The following PPFIBP2 variants were observed in gnomAD, a reference collection of about 807,000 sequenced individuals.
PPFIBP2 encodes the protein PPFIB scaffold protein 2.
Under a neutral mutation model 118.3 loss-of-function variants are expected in PPFIBP2, and 118 were observed. The observed-to-expected ratio is 1.00, with a 90% confidence interval of 0.86 to 1.16. PPFIBP2 has a LOEUF of 1.16. Among genes scored for constraint, PPFIBP2 ranks in the 50% most tolerant of loss-of-function variants. The probability of loss-of-function intolerance (pLI) is 0.00; values close to 1 mark genes in which losing one functional copy is unlikely to be tolerated. For missense variants in PPFIBP2, 1,195 were observed against 1,073.1 expected (o/e 1.11, Z -1.59); for synonymous variants, 414 against 397.4 (o/e 1.04, Z -0.50).
At chr11:7,625,739 C>G (rs1207890381) in intron 7 of PPFIBP2, 38 bp from the exon 8 acceptor site, 5 of 1,560,498 alleles carry the variant, frequency 3.2e-6, no homozygotes, top group African/African-American at 1.4e-5. Context: ...ATTTGGCAGT[C>G]CTTCTGACCT....
intron 2 of PPFIBP2, among the ~76,000 whole-genome samples, chr11:7,564,451 A>C (rs1477121768): frequency 6.6e-6 from 1 of 152,226 alleles, no homozygotes; most frequent in Non-Finnish European, 1.5e-5. Context: ...ATTTAAGAGC[A>C]TATAGAGATA....
chr11:7,525,802 G>A (rs952985093), intron 1 of PPFIBP2, among the ~76,000 whole-genome samples: 2 of 152,220 alleles, frequency 1.3e-5, no homozygotes, highest in African/African-American at 4.8e-5. Flanking sequence ...CCTTGGTAGA[G>A]GATCTTTTCC....
Position 7,597,602 on chromosome 11 carries a change from A to G in PPFIBP2, c.415A>G (p.Ile139Val), listed in dbSNP as rs766857294. Residue 139 changes from isoleucine to valine, a missense_variant, in exon 5 of 24, where the codon ATT (isoleucine) becomes GTT (valine). Coordinates refer to ENST00000299492, the MANE Select transcript of PPFIBP2 (RefSeq NM_003621.5). Reference sequence around the variant, plus strand: ...CCAAGTAGAAGCCCAGGGAGAAAAGATTCGAGACCTGGAAGTGTGTCTGGA... The same window carrying G: ...CCAAGTAGAAGCCCAGGGAGAAAAGGTTCGAGACCTGGAAGTGTGTCTGGA... ...TDQVEAQGEK[I>V]RDLEVCLEGH... 24 of 1,613,982 alleles carry G rather than the reference A, an allele frequency of 1.5e-5. No homozygotes were observed. The highest frequency in any genetic ancestry group is 1.6e-4 in the Middle Eastern group (1 of 6,082).
intron 4 of PPFIBP2, among the ~76,000 whole-genome samples, chr11:7,596,183 C>G (rs549738318): frequency 6.6e-6 from 1 of 152,060 alleles, no homozygotes; most frequent in Admixed American, 6.5e-5. Flanking sequence ...AATGTTTAAC[C>G]CTCATAATAA....
chr11:7,536,248 T>C lies in PPFIBP2; in HGVS notation c.-36-13192T>C, dbSNP rs114287963. On this transcript the variant is annotated intron_variant, in intron 1 of 23. Transcript: ENST00000299492. Reference sequence around the variant, plus strand: ...CACCCTAGACCGCCTCTTAAGGAAATGGGAACACAAGCGGCTGGCTGGATG... The same window carrying C: ...CACCCTAGACCGCCTCTTAAGGAAACGGGAACACAAGCGGCTGGCTGGATG... 4.9e-3 allele frequency among the ~76,000 whole-genome samples: 743 copies of C among 151,832 alleles called. 4 individuals carry two copies. Among genetic ancestry groups the C allele is most frequent in the African/African-American group, 0.017 (702 of 41,388 alleles).
downstream of PPFIBP2, chr11:7,655,567 G>GGT: frequency 8.4e-7 from 1 of 1,193,976 alleles, no homozygotes. Flanking sequence ...GGTGTGGTGT[G>GGT]GTGTGGTATG....
At chr11:7,633,281 CT>C (rs1851021162) in intron 12 of PPFIBP2, among the ~76,000 whole-genome samples, 1 of 152,184 alleles carries the variant, frequency 6.6e-6, no homozygotes, top group Non-Finnish European at 1.5e-5. Context: ...CTGCCTCCTG[CT>C]CTTAGAGTGA....
chr11:7,591,106 A>C (rs1182094912), intron 3 of PPFIBP2, among the ~76,000 whole-genome samples: 1 of 131,726 alleles, frequency 7.6e-6, no homozygotes, highest in Non-Finnish European at 1.7e-5. Flanking sequence ...CAACTTTCTT[A>C]CTCTTTTTTT....
intron 17 of PPFIBP2, chr11:7,648,091 G>A (rs142593100): frequency 1.0e-5 from 3 of 288,380 alleles, no homozygotes; most frequent in South Asian, 1.4e-4. Flanking sequence ...GTGTGTATGC[G>A]GACCTAGGAC....
downstream of PPFIBP2, among the ~76,000 whole-genome samples, chr11:7,661,772 G>A (rs1184429213): frequency 2.3e-5 from 2 of 88,772 alleles, no homozygotes; most frequent in Admixed American, 1.1e-4. Flanking sequence ...TTATTAATGC[G>A]TGGGAGTCTA....
At chr11:7,518,537 G>A (rs1430335604) in intron 1 of PPFIBP2, among the ~76,000 whole-genome samples, 4 of 152,096 alleles carry the variant, frequency 2.6e-5, no homozygotes, top group Non-Finnish European at 5.9e-5. Context: ...CAGTAGGCTT[G>A]GCAGGAGCTT....
At chr11:7,597,978 A>T (rs1196040160) in intron 5 of PPFIBP2, 1 of 274,530 alleles carries the variant, frequency 3.6e-6, no homozygotes, top group Non-Finnish European at 6.9e-6. Context: ...TGGGGGCCTC[A>T]CCCTCATCCT....
chr11:7,557,824 A>C (rs1254004937), intron 2 of PPFIBP2, among the ~76,000 whole-genome samples: 1 of 151,724 alleles, frequency 6.6e-6, no homozygotes, highest in Non-Finnish European at 1.5e-5. Flanking sequence ...TTTCTAATGA[A>C]CTCTCAGGTT....
chr11:7,562,870 A>C (rs182434292), intron 2 of PPFIBP2, among the ~76,000 whole-genome samples: 1 of 147,822 alleles, frequency 6.8e-6, no homozygotes, highest in Non-Finnish European at 1.5e-5. Context: ...TTTATTGACT[A>C]TTGGTTTTGT....
intron 1 of PPFIBP2, among the ~76,000 whole-genome samples, chr11:7,529,437 G>C (rs137898205): frequency 2.0e-3 from 308 of 152,188 alleles, no homozygotes; most frequent in African/African-American, 6.9e-3. Context: ...TCTGGCTATC[G>C]GTGTCCCCAA....
intron 15 of PPFIBP2, chr11:7,640,965 T>C (rs1852097742): frequency 8.6e-7 from 1 of 1,166,462 alleles, no homozygotes; most frequent in African/African-American, 1.6e-5. Context: ...TCCCCGTAAC[T>C]CTGTTGGGCT....
rs764589181 is a variant in PPFIBP2, at chr11:7,648,339, C to T, written c.1647-48C>T. ...TTGTGAGACATGATTAGATTCAGAA[C>T]CTCAGGCTCTCCCACTAACAGGAAT... On this transcript the variant is annotated intron_variant, in intron 17 of 23. Transcript: ENST00000299492. 27 of 1,565,544 alleles carry T rather than the reference C, an allele frequency of 1.7e-5. No individual in the cohort carries two copies. In the South Asian group the frequency reaches 2.9e-4, roughly 17 times the overall value.
rs1383088345 is a variant in PPFIBP2 at position 7,634,531 on chromosome 11, G to C, written c.1173G>C (p.Leu391Phe). The change falls in exon 13 of 24, where the codon TTG (leucine) becomes TTC (phenylalanine). Residue 391 changes from leucine (L) to phenylalanine (F), a missense_variant. Coordinates refer to ENST00000299492, the MANE Select transcript of PPFIBP2 (RefSeq NM_003621.5). ...AGCTCTCTTGTAGTCTAGAAGACTT[G>C]AGAAGTGAATCTGTGGATAAGGTCG... is the stretch of plus-strand genomic sequence containing the variant. ...QKKLSCSLED[L>F]RSESVDKCMD... The C allele has an allele frequency of 1.2e-6, 2 of 1,613,556 alleles. No homozygotes were observed. The highest frequency in any genetic ancestry group is 1.7e-6 in the Non-Finnish European group (2 of 1,179,500).
intron 15 of PPFIBP2, among the ~76,000 whole-genome samples, chr11:7,641,259 T>G (rs1483863787): frequency 6.6e-6 from 1 of 152,194 alleles, no homozygotes; most frequent in Non-Finnish European, 1.5e-5. Flanking sequence ...ATTAAAGACA[T>G]TAGCTCACCT....
Sources: allele counts gnomAD v4.1 joint callset (sites outside exome capture counted in the v4.1 genomes callset), GRCh38; gene constraint gnomAD v4.1.1; transcripts MANE v1.5; gene names NCBI Gene and HGNC (gene_info 2026-07-23, HGNC 2026-07-21).